NPAS3: variants seen among roughly 807,000 people sequenced by gnomAD.
NPAS3 encodes the protein neuronal PAS domain protein 3, also known as neuronal PAS domain-containing protein 3.
In NPAS3, 14 loss-of-function variants were observed where a neutral mutation model predicts 73.1. That is an observed-to-expected ratio of 0.19 (90% CI 0.13 to 0.30). NPAS3 has a LOEUF of 0.30. Among genes scored for constraint, NPAS3 ranks in the 10% least tolerant of loss-of-function variants. NPAS3 has a pLI of 1.00. For synonymous variants in NPAS3, 620 were observed against 541.5 expected (o/e 1.14, Z -2.01); for missense variants, 1,096 against 1,250.0 (o/e 0.88, Z 1.86).
intron 4 of NPAS3, among the ~76,000 whole-genome samples, chr14:33,394,150 A>G (rs1359952182): frequency 6.6e-6 from 1 of 152,198 alleles, no homozygotes; most frequent in Non-Finnish European, 1.5e-5. Context: ...ATAATTAAAA[A>G]TGACAGATGA....
In NPAS3 at chr14:33,051,853, G is replaced by A. The variant is rs535886616; in HGVS notation, c.51-4052G>A. Among the ~76,000 whole-genome samples the A allele has an allele frequency of 2.6e-5, 4 of 152,208 alleles. No homozygotes were observed. The East Asian group carries it at 5.8e-4, about 22-fold the overall frequency. On this transcript the variant is annotated intron_variant, in intron 1 of 11. Transcript: ENST00000356141. Reference sequence around the variant, plus strand: ...TGACTCACTGCAACCTCCACCTCCCGGGTTCAAGCGATTCTCCTGCCTCAG... The same window carrying A: ...TGACTCACTGCAACCTCCACCTCCCAGGTTCAAGCGATTCTCCTGCCTCAG...
At chr14:32,948,044 C>A (rs1292625869) in intron 1 of NPAS3, among the ~76,000 whole-genome samples, 1 of 152,076 alleles carries the variant, frequency 6.6e-6, no homozygotes, top group Non-Finnish European at 1.5e-5. Flanking sequence ...CGTGAGGATT[C>A]CTCTACTGAT....
chr14:32,970,845 T>C (rs537736358), intron 1 of NPAS3, among the ~76,000 whole-genome samples: 201 of 152,290 alleles, frequency 1.3e-3, no homozygotes, highest in African/African-American at 4.4e-3. Flanking sequence ...CTGGCCATAC[T>C]GGAATAGAAC....
intron 4 of NPAS3, among the ~76,000 whole-genome samples, chr14:33,526,091 G>T (rs117449274): frequency 6.6e-6 from 1 of 152,074 alleles, no homozygotes; most frequent in African/African-American, 2.4e-5. Context: ...ACAATTTGAC[G>T]TAATTTTCCA....
chr14:33,192,656 TAAAAG>T (rs918907295), intron 2 of NPAS3, among the ~76,000 whole-genome samples: 3 of 152,318 alleles, frequency 2.0e-5, no homozygotes, highest in East Asian at 1.9e-4. Flanking sequence ...AAAAGGAACT[TAAAAG>T]AAGTCAGGAG....
chr14:33,566,675 G>C (rs1219072868), intron 5 of NPAS3, among the ~76,000 whole-genome samples: 1 of 152,124 alleles, frequency 6.6e-6, no homozygotes, highest in Non-Finnish European at 1.5e-5. Context: ...TCGCCACCTT[G>C]AGCAGAGTGG....
intron 1 of NPAS3, among the ~76,000 whole-genome samples, chr14:33,016,858 A>G (rs2039415769): frequency 6.6e-6 from 1 of 152,176 alleles, no homozygotes; most frequent in African/African-American, 2.4e-5. Context: ...CAGGCGTTTC[A>G]TAAATATTTG....
chr14:33,033,023 T>G (rs2040046067), intron 1 of NPAS3, among the ~76,000 whole-genome samples: 1 of 152,200 alleles, frequency 6.6e-6, no homozygotes, highest in Non-Finnish European at 1.5e-5. Context: ...TCTCTAGATA[T>G]CCAAGGCAGA....
chr14:33,249,146 G>A (rs570370060), intron 3 of NPAS3, among the ~76,000 whole-genome samples: 18 of 152,140 alleles, frequency 1.2e-4, no homozygotes, highest in African/African-American at 3.6e-4. Flanking sequence ...TAAAATTTTC[G>A]AAGATTAGAA....
intron 2 of NPAS3, among the ~76,000 whole-genome samples, chr14:33,117,527 G>T (rs908165401): frequency 6.6e-6 from 1 of 152,116 alleles, no homozygotes; most frequent in African/African-American, 2.4e-5. Flanking sequence ...GGTGTGTCTT[G>T]CTATGGCGAT....
chr14:33,491,039 C>A (rs912083960), intron 4 of NPAS3, among the ~76,000 whole-genome samples: 17 of 152,154 alleles, frequency 1.1e-4, no homozygotes, highest in African/African-American at 3.9e-4. Flanking sequence ...CTTGTAACCT[C>A]AAAGCAGATT....
chr14:33,476,423 C>T (rs1238035579), intron 4 of NPAS3, among the ~76,000 whole-genome samples: 1 of 152,044 alleles, frequency 6.6e-6, no homozygotes, highest in Non-Finnish European at 1.5e-5. Context: ...TTAACTAGGC[C>T]AATTAAGTAG....
At chr14:33,092,447 C>T (rs1199614470) in intron 2 of NPAS3, among the ~76,000 whole-genome samples, 1 of 152,078 alleles carries the variant, frequency 6.6e-6, no homozygotes, top group African/African-American at 2.4e-5. Flanking sequence ...AACTACAAAC[C>T]ACTGCTCAGT....
Position 33,398,407 on chromosome 14 carries a change from T to TAA in NPAS3, c.468+31154_468+31155dup, listed in dbSNP as rs57064212. On this transcript the variant is annotated intron_variant, in intron 4 of 11. Transcript: ENST00000356141. ...AAATTGAACCTTTGTTATTTTCCTT[T>TAA]AAAAAAAAAAAAAAAAGTACAGGTA... 1.5e-3 allele frequency among the ~76,000 whole-genome samples: 214 copies of TAA among 142,832 alleles called. 2 individuals are homozygous for TAA. Among genetic ancestry groups the TAA allele is most frequent in the African/African-American group, 2.4e-3 (93 of 38,824 alleles). The allele number at this position is 142,832 out of a possible 152,430, so 93.7% of individuals were successfully genotyped here.
At chr14:33,020,513 G>C (rs934609319) in intron 1 of NPAS3, among the ~76,000 whole-genome samples, 3 of 152,132 alleles carry the variant, frequency 2.0e-5, no homozygotes, top group Admixed American at 6.5e-5. Context: ...TTAAGCACTC[G>C]ATAAATGGTG....
At chr14:33,143,418 G>A (rs1285417492) in intron 2 of NPAS3, among the ~76,000 whole-genome samples, 2 of 151,940 alleles carry the variant, frequency 1.3e-5, no homozygotes, top group African/African-American at 4.8e-5. Flanking sequence ...TTGGTCCCGG[G>A]AGGCAGAGGT....
chr14:33,696,683 T>C (rs1413514717), intron 6 of NPAS3, among the ~76,000 whole-genome samples: 1 of 152,202 alleles, frequency 6.6e-6, no homozygotes, highest in Non-Finnish European at 1.5e-5. Context: ...CCTAACTAAA[T>C]CTCTATGTAA....
intron 7 of NPAS3, among the ~76,000 whole-genome samples, chr14:33,768,042 C>T (rs2140865562): frequency 6.6e-6 from 1 of 152,292 alleles, no homozygotes; most frequent in Non-Finnish European, 1.5e-5. Context: ...CACAGTCACT[C>T]CTTGCAGCAG....
intron 2 of NPAS3, among the ~76,000 whole-genome samples, chr14:33,144,350 A>G (rs2044164534): frequency 6.6e-6 from 1 of 152,228 alleles, no homozygotes; most frequent in East Asian, 1.9e-4. Context: ...TTGTTGGACA[A>G]AACCTATTGT....
Sources: allele counts gnomAD v4.1 joint callset (sites outside exome capture counted in the v4.1 genomes callset), GRCh38; gene constraint gnomAD v4.1.1; transcripts MANE v1.5; gene names NCBI Gene and HGNC (gene_info 2026-07-23, HGNC 2026-07-21).